CYP2J2: variants seen among roughly 807,000 people sequenced by gnomAD.
The protein encoded by CYP2J2 is cytochrome P450 family 2 subfamily J member 2, also known as cytochrome P450 2J2.
A neutral mutation model predicts 48.8 loss-of-function variants in CYP2J2; 41 were observed. That is an observed-to-expected ratio of 0.84 (90% CI 0.66 to 1.09). The LOEUF (loss-of-function observed/expected upper bound fraction) is 1.09, where lower values mean the gene tolerates loss of function less well. Among genes scored for constraint, CYP2J2 ranks in the 50% least tolerant of loss-of-function variants. The pLI, the probability that CYP2J2 is intolerant of heterozygous loss-of-function variation, is 0.00. For missense variants in CYP2J2, 644 were observed against 617.3 expected (o/e 1.04, Z -0.46); for synonymous variants, 221 against 227.1 (o/e 0.97, Z 0.24).
At position 59,909,794 on chromosome 1, in the gene CYP2J2, T is replaced by G; in HGVS notation, c.851A>C (p.Glu284Ala). Residue 284 changes from glutamate to alanine, a missense_variant, in exon 5 of 9, where the codon GAA becomes GCA. Coordinates refer to ENST00000371204, the MANE Select transcript of CYP2J2 (RefSeq NM_000775.4). ...CTTTGGTTTTCTCACCTTTGACATT[T>G]CTTTAAGGTAAGCATCAATAAAGTC... is the stretch of plus-strand genomic sequence containing the variant. ...TRDFIDAYLK[E>A]MSKHTGNPTS... The G allele has an allele frequency of 2.5e-6, 4 of 1,581,800 alleles. No homozygotes were observed. The highest frequency in any genetic ancestry group is 3.4e-6 in the Non-Finnish European group (4 of 1,169,896).
chr1:59,962,832 C>G, the CYP2J2 span, among the ~76,000 whole-genome samples: 1 of 152,150 alleles, frequency 6.6e-6, no homozygotes, highest in South Asian at 2.1e-4. Context: ...ACATCTGGCT[C>G]TACTATAGAG....
intron 1 of CYP2J2, among the ~76,000 whole-genome samples, chr1:59,921,030 G>C (rs985594835): frequency 6.6e-6 from 1 of 151,864 alleles, no homozygotes; most frequent in African/African-American, 2.4e-5. Flanking sequence ...TCTACAAAAG[G>C]TTATCCCCAG....
At chr1:59,903,362 G>A (rs564957763) in intron 7 of CYP2J2, among the ~76,000 whole-genome samples, 1 of 152,350 alleles carries the variant, frequency 6.6e-6, no homozygotes, top group South Asian at 2.1e-4. Context: ...GCACAGGATA[G>A]TTGTCTGCAG....
At chr1:59,905,111 A>G in intron 6 of CYP2J2, 53 bp from the exon 7 acceptor site, 1 of 1,559,380 alleles carries the variant, frequency 6.4e-7, no homozygotes, top group South Asian at 1.2e-5. Flanking sequence ...GCTTTATTAT[A>G]AAGAGGTATG....
chr1:59,917,635 AGAGG>A (rs1481173406), intron 1 of CYP2J2, among the ~76,000 whole-genome samples: 2 of 152,134 alleles, frequency 1.3e-5, no homozygotes, highest in African/African-American at 4.8e-5. Flanking sequence ...GGGGTGGGAG[AGAGG>A]GAGAATGGGG....
chr1:59,899,061 A>C (rs569398540), intron 8 of CYP2J2, among the ~76,000 whole-genome samples: 17 of 152,324 alleles, frequency 1.1e-4, no homozygotes, highest in Admixed American at 1.0e-3. Context: ...TTTCCTTTTA[A>C]AACCACGGAC....
At chr1:59,957,703 CCA>C in the CYP2J2 span, among the ~76,000 whole-genome samples, 24 of 148,230 alleles carry the variant, frequency 1.6e-4, no homozygotes, top group East Asian at 4.5e-3. Context: ...CACACACACA[CCA>C]CACACACACA....
the CYP2J2 span, among the ~76,000 whole-genome samples, chr1:59,946,499 C>G: frequency 6.6e-6 from 1 of 152,190 alleles, no homozygotes; most frequent in Admixed American, 6.5e-5. Context: ...TATTCTTCCT[C>G]TGCTCCCCAC....
In CYP2J2 at chr1:59,909,893, C is replaced by T. The variant is rs200029135; in HGVS notation, c.752G>A (p.Trp251Ter). The T allele has an allele frequency of 1.4e-4, 221 of 1,611,604 alleles. No individual in the cohort carries two copies. Among genetic ancestry groups the T allele is most frequent in the Non-Finnish European group, 1.7e-4 (202 of 1,178,902 alleles). Residue 251 changes from tryptophan (W) to a stop codon, truncating the protein, a stop_gained, in exon 5 of 9, where the codon TGG (tryptophan) becomes TAG (stop). Coordinates refer to ENST00000371204, the MANE Select transcript of CYP2J2 (RefSeq NM_000775.4). LOFTEE classifies it high-confidence loss of function. ...PGPHQTLFSNWKKLKLFVSHM... is the reference protein window; with the variant it reads ...PGPHQTLFSN Reference sequence around the variant, plus strand: ...AGAAACAAACAATTTCAGTTTTTTCCAGTTGCTGAAGAGAGTTTGGTGGGG... The same window carrying T: ...AGAAACAAACAATTTCAGTTTTTTCTAGTTGCTGAAGAGAGTTTGGTGGGG...
chr1:59,947,508 C>T, the CYP2J2 span, among the ~76,000 whole-genome samples: 1 of 152,234 alleles, frequency 6.6e-6, no homozygotes, highest in Non-Finnish European at 1.5e-5. Context: ...TGGGTTGAGT[C>T]CGCCCCCATG....
chr1:59,901,043 G>A lies in CYP2J2; in HGVS notation c.1252C>T (p.Pro418Ser). ...AAATGGTCCGGATTGAATGTGTCAGGGGTGGCCCACTCTGTGGGGTCCCTG... is the reference window on the plus strand; with the variant it reads ...AAATGGTCCGGATTGAATGTGTCAGAGGTGGCCCACTCTGTGGGGTCCCTG... ...LHRDPTEWATPDTFNPDHFLE... is the reference protein window; with the variant it reads ...LHRDPTEWATSDTFNPDHFLE... The change falls in exon 8 of 9, where the codon CCT (proline) becomes TCT (serine). Residue 418 changes from proline to serine, a missense_variant. Transcript: ENST00000371204. 1 of 1,614,138 alleles carries A rather than the reference G, an allele frequency of 6.2e-7. No homozygotes were observed. Among genetic ancestry groups the A allele is most frequent in the Non-Finnish European group, 8.5e-7 (1 of 1,179,972 alleles).
the CYP2J2 span, among the ~76,000 whole-genome samples, chr1:59,938,165 G>C: frequency 6.6e-6 from 1 of 152,134 alleles, no homozygotes; most frequent in Non-Finnish European, 1.5e-5. Context: ...TGAATGAAGG[G>C]GGCCAGCCCC....
chr1:59,959,107 G>A, the CYP2J2 span, among the ~76,000 whole-genome samples: 2 of 152,014 alleles, frequency 1.3e-5, no homozygotes, highest in Non-Finnish European at 2.9e-5. Flanking sequence ...TTTCCCTCCT[G>A]CAATTAGGCC....
the CYP2J2 span, among the ~76,000 whole-genome samples, chr1:59,949,519 C>G: frequency 6.6e-6 from 1 of 152,144 alleles, no homozygotes; most frequent in South Asian, 2.1e-4. Flanking sequence ...TTTCCAAGTT[C>G]ATGGAGTTCA....
At chr1:59,968,706 G>A in the CYP2J2 span, among the ~76,000 whole-genome samples, 6 of 152,192 alleles carry the variant, frequency 3.9e-5, no homozygotes, top group African/African-American at 7.2e-5. Flanking sequence ...CCCGAGGGGG[G>A]ACCAACCAGC....
chr1:59,932,625 C>T, the CYP2J2 span, among the ~76,000 whole-genome samples: 1 of 151,282 alleles, frequency 6.6e-6, no homozygotes, highest in Non-Finnish European at 1.5e-5. Flanking sequence ...AGGCCAGAAA[C>T]TGAGATATAC....
At chr1:59,916,927 C>G (rs1644471272) in intron 1 of CYP2J2, among the ~76,000 whole-genome samples, 1 of 151,950 alleles carries the variant, frequency 6.6e-6, no homozygotes, top group African/African-American at 2.4e-5. Context: ...ATCTGTTTAA[C>G]CAAATGAGAA....
chr1:59,925,471 A>G (rs550985848), intron 1 of CYP2J2, among the ~76,000 whole-genome samples: 6 of 152,340 alleles, frequency 3.9e-5, no homozygotes, highest in South Asian at 2.1e-4. Flanking sequence ...GAAATTGTAC[A>G]TAGTATGATG....
chr1:59,926,078 T>TGAGA (rs1644561160), intron 1 of CYP2J2, among the ~76,000 whole-genome samples: 1 of 152,052 alleles, frequency 6.6e-6, no homozygotes, highest in South Asian at 2.1e-4. Context: ...TATTACTTAG[T>TGAGA]GAGAGTGCAC....
Sources: allele counts gnomAD v4.1 joint callset (sites outside exome capture counted in the v4.1 genomes callset), GRCh38; gene constraint gnomAD v4.1.1; transcripts MANE v1.5; gene names NCBI Gene and HGNC (gene_info 2026-07-23, HGNC 2026-07-21).